PPP4R2: variants seen among roughly 807,000 people sequenced by gnomAD.
The protein encoded by PPP4R2 is serine/threonine-protein phosphatase 4 regulatory subunit 2.
PPP4R2 carries 13 observed loss-of-function variants against 47.2 expected under a neutral mutation model. The ratio of observed to expected loss-of-function variants is 0.28; its 90% CI spans 0.18 to 0.44. The LOEUF (loss-of-function observed/expected upper bound fraction) is 0.44, where lower values mean the gene tolerates loss of function less well. PPP4R2 is among the 20% of genes least tolerant of loss of function. The pLI, the probability that PPP4R2 is intolerant of heterozygous loss-of-function variation, is 1.00. For missense variants in PPP4R2, 421 were observed against 491.2 expected (o/e 0.86, Z 1.35); for synonymous variants, 151 against 163.3 (o/e 0.92, Z 0.57).
At chr3:73,046,624 C>G (rs1474795453) in intron 2 of PPP4R2, among the ~76,000 whole-genome samples, 23 of 152,014 alleles carry the variant, frequency 1.5e-4, no homozygotes, top group Admixed American at 1.5e-3. Context: ...TGGATAGAAC[C>G]TGTGATTATG....
intron 2 of PPP4R2, among the ~76,000 whole-genome samples, chr3:73,036,263 A>G (rs964408050): frequency 1.3e-5 from 2 of 152,208 alleles, no homozygotes; most frequent in African/African-American, 2.4e-5. Context: ...GGGGCCAGGA[A>G]TGAATAGAAA....
intron 2 of PPP4R2, among the ~76,000 whole-genome samples, chr3:73,006,230 C>T (rs553258407): frequency 1.5e-4 from 19 of 129,172 alleles, no homozygotes; most frequent in African/African-American, 4.1e-4. Context: ...GATGGAGTGT[C>T]GCCCTGTTGC....
At chr3:73,036,387 A>G (rs906985757) in intron 2 of PPP4R2, among the ~76,000 whole-genome samples, 1 of 152,206 alleles carries the variant, frequency 6.6e-6, no homozygotes, top group African/African-American at 2.4e-5. Context: ...ATAGCTAGAG[A>G]AGATTTGAAA....
chr3:73,025,943 A>G (rs1218194601), intron 2 of PPP4R2, among the ~76,000 whole-genome samples: 2 of 152,172 alleles, frequency 1.3e-5, no homozygotes, highest in Non-Finnish European at 2.9e-5. Context: ...TTCACAGACA[A>G]CATTAGGTTA....
intron 2 of PPP4R2, among the ~76,000 whole-genome samples, chr3:73,007,144 A>G (rs1701625605): frequency 6.6e-6 from 1 of 152,216 alleles, no homozygotes; most frequent in South Asian, 2.1e-4. Context: ...ATAAAATGAG[A>G]TAATAATAGT....
chr3:73,003,705 T>C (rs1474758736), intron 2 of PPP4R2, among the ~76,000 whole-genome samples: 3 of 125,098 alleles, frequency 2.4e-5, no homozygotes, highest in African/African-American at 9.4e-5. Flanking sequence ...TTTTTTTGTT[T>C]TGTTTTTTTT....
intron 2 of PPP4R2, among the ~76,000 whole-genome samples, chr3:73,021,198 AG>A (rs1701952192): frequency 6.6e-6 from 1 of 151,650 alleles, no homozygotes; most frequent in Admixed American, 6.6e-5. Flanking sequence ...AGGAAGGAGA[AG>A]GGGCTTGGAT....
intron 3 of PPP4R2, among the ~76,000 whole-genome samples, chr3:73,050,495 A>G (rs1211818646): frequency 2.6e-5 from 4 of 152,184 alleles, no homozygotes; most frequent in Non-Finnish European, 5.9e-5. Flanking sequence ...AAGAAGTAAC[A>G]TTTTGTTGGT....
chr3:73,009,229 T>C (rs1168359116), intron 2 of PPP4R2, among the ~76,000 whole-genome samples: 1 of 152,192 alleles, frequency 6.6e-6, no homozygotes, highest in African/African-American at 2.4e-5. Context: ...GGTGGTATTG[T>C]AGCAGTAGCG....
chr3:73,014,753 A>AT (rs1458935689), intron 2 of PPP4R2, among the ~76,000 whole-genome samples: 2 of 151,982 alleles, frequency 1.3e-5, no homozygotes, highest in South Asian at 2.1e-4. Context: ...CCTTTTTCAG[A>AT]TTTTTTGGCT....
At chr3:73,032,722 C>T (rs1262279502) in intron 2 of PPP4R2, among the ~76,000 whole-genome samples, 1 of 151,850 alleles carries the variant, frequency 6.6e-6, no homozygotes, top group Non-Finnish European at 1.5e-5. Context: ...CGTACTCCTT[C>T]TCCAAGCATG....
intron 4 of PPP4R2, among the ~76,000 whole-genome samples, chr3:73,059,669 T>C (rs1168190709): frequency 6.6e-6 from 1 of 152,118 alleles, no homozygotes; most frequent in Non-Finnish European, 1.5e-5. Flanking sequence ...CTGGGTGTGG[T>C]GGCTCATGCC....
chr3:73,064,631 G>T (rs1258986225), intron 7 of PPP4R2, among the ~76,000 whole-genome samples: 1 of 152,102 alleles, frequency 6.6e-6, no homozygotes. Flanking sequence ...CTGGAGAATT[G>T]CACAGAAAGG....
chr3:73,048,721 T>C (rs373022737), intron 3 of PPP4R2, among the ~76,000 whole-genome samples: 2 of 152,252 alleles, frequency 1.3e-5, no homozygotes, highest in East Asian at 3.8e-4. Flanking sequence ...TTAGATAGTA[T>C]TTGAAGGGTT....
chr3:73,021,625 G>T (rs1474607629), intron 2 of PPP4R2, among the ~76,000 whole-genome samples: 1 of 152,022 alleles, frequency 6.6e-6, no homozygotes, highest in African/African-American at 2.4e-5. Flanking sequence ...TCTCAAAGGG[G>T]AAGCTCTGTT....
At chr3:73,028,303 G>T (rs1173567282) in intron 2 of PPP4R2, among the ~76,000 whole-genome samples, 1 of 151,160 alleles carries the variant, frequency 6.6e-6, no homozygotes, top group Non-Finnish European at 1.5e-5. Flanking sequence ...CCTCCCAAAG[G>T]CTGGGATTAC....
chr3:73,050,128 A>G (rs536435202), intron 3 of PPP4R2, among the ~76,000 whole-genome samples: 35 of 151,488 alleles, frequency 2.3e-4, no homozygotes, highest in African/African-American at 6.8e-4. Flanking sequence ...TTGTTTGTTT[A>G]TTTGTTTTGT....
chr3:73,014,945 C>A (rs1016354123), intron 2 of PPP4R2: 23 of 695,500 alleles, frequency 3.3e-5, no homozygotes, highest in Non-Finnish European at 5.5e-5. Flanking sequence ...CTCAAGTGAT[C>A]CACCTGCCTC....
chr3:73,065,600 C>G lies in PPP4R2; in HGVS notation c.1132C>G (p.Arg378Gly). 1.2e-6 allele frequency: 2 copies of G among 1,613,418 alleles called. No individual in the cohort carries two copies. Among genetic ancestry groups the G allele is most frequent in the Non-Finnish European group, 8.5e-7 (1 of 1,179,522 alleles). Reference sequence around the variant, plus strand: ...TGTAAGTAGTAGTTCTTCTGACTGCCGTGAAACAGAAGAATTAGTAGGATC... The same window carrying G: ...TGTAAGTAGTAGTTCTTCTGACTGCGGTGAAACAGAAGAATTAGTAGGATC... ...GPVSSSSSDC[R>G]ETEELVGSNS... The change falls in exon 9 of 9, where the codon CGT (arginine) becomes GGT (glycine). Residue 378 changes from arginine (R) to glycine (G), a missense_variant. By Grantham distance (125) the Arg-to-Gly change is moderately radical. Coordinates refer to ENST00000356692, the MANE Select transcript of PPP4R2 (RefSeq NM_174907.4).
Sources: allele counts gnomAD v4.1 joint callset (sites outside exome capture counted in the v4.1 genomes callset), GRCh38; gene constraint gnomAD v4.1.1; transcripts MANE v1.5; gene names NCBI Gene and HGNC (gene_info 2026-07-23, HGNC 2026-07-21).